Variants in PTPRG observed in about 807,000 individuals in gnomAD.
PTPRG encodes receptor-type tyrosine-protein phosphatase gamma.
A neutral mutation model predicts 165.3 loss-of-function variants in PTPRG; 102 were observed. The observed-to-expected ratio is 0.62, with a 90% confidence interval of 0.53 to 0.73. The LOEUF is 0.73. PTPRG is among the 30% of genes least tolerant of loss of function. The probability of loss-of-function intolerance (pLI) is 0.00; values close to 1 mark genes in which losing one functional copy is unlikely to be tolerated. For synonymous variants in PTPRG, 675 were observed against 669.5 expected (o/e 1.01, Z -0.13); for missense variants, 1,866 against 1,861.4 (o/e 1.00, Z -0.05).
At chr3:61,930,383 G>T (rs988398720) in intron 2 of PTPRG, among the ~76,000 whole-genome samples, 6 of 152,224 alleles carry the variant, frequency 3.9e-5, no homozygotes, top group Non-Finnish European at 7.3e-5. Flanking sequence ...AAGAATGTCA[G>T]TGATTCCCTG....
intron 2 of PTPRG, among the ~76,000 whole-genome samples, chr3:61,846,861 G>C (rs1461759763): frequency 6.6e-6 from 1 of 152,166 alleles, no homozygotes; most frequent in Non-Finnish European, 1.5e-5. Context: ...GTTGCAGTGA[G>C]CTAAGATGGC....
intron 1 of PTPRG, among the ~76,000 whole-genome samples, chr3:61,607,911 G>A (rs1009734338): frequency 2.6e-5 from 4 of 152,090 alleles, no homozygotes; most frequent in African/African-American, 9.7e-5. Flanking sequence ...CTTGGGGTGA[G>A]GATTACCCTG....
chr3:62,119,180 C>T (rs531449914), intron 5 of PTPRG, among the ~76,000 whole-genome samples: 1 of 152,168 alleles, frequency 6.6e-6, no homozygotes, highest in South Asian at 2.1e-4. Context: ...TGGGTGTGAG[C>T]ATTTCTGACC....
At chr3:61,951,201 A>T (rs112176603) in intron 2 of PTPRG, among the ~76,000 whole-genome samples, 4 of 152,128 alleles carry the variant, frequency 2.6e-5, no homozygotes, top group Non-Finnish European at 5.9e-5. Flanking sequence ...TCCCAGTTGA[A>T]CTCTTTTTCC....
At chr3:61,776,372 A>C (rs144387411) in intron 2 of PTPRG, among the ~76,000 whole-genome samples, 1,595 of 152,276 alleles carry the variant, frequency 0.01, 35 homozygotes, top group African/African-American at 0.036. Context: ...TAAAAAAATT[A>C]GTTGTATCGC....
At chr3:62,173,813 A>C (rs1705313275) in intron 8 of PTPRG, among the ~76,000 whole-genome samples, 1 of 152,098 alleles carries the variant, frequency 6.6e-6, no homozygotes, top group Non-Finnish European at 1.5e-5. Context: ...ATGCACCCAT[A>C]TTTTATCAGG....
intron 2 of PTPRG, among the ~76,000 whole-genome samples, chr3:61,882,949 T>A (rs924192567): frequency 9.8e-5 from 15 of 152,318 alleles, no homozygotes; most frequent in African/African-American, 3.4e-4. Context: ...TTCTACTAGA[T>A]GCTTAATGGT....
At chr3:61,689,416 T>G (rs1349052584) in intron 1 of PTPRG, among the ~76,000 whole-genome samples, 1 of 152,252 alleles carries the variant, frequency 6.6e-6, no homozygotes, top group African/African-American at 2.4e-5. Flanking sequence ...ACTTAAAATG[T>G]AGACTGTGTG....
chr3:62,175,346 TGGCACGC>T (rs1169746981), intron 8 of PTPRG, among the ~76,000 whole-genome samples: 1 of 152,212 alleles, frequency 6.6e-6, no homozygotes, highest in African/African-American at 2.4e-5. Flanking sequence ...CCGAGTGCCG[TGGCACGC>T]GCCAGTAGTC....
At chr3:62,194,614 C>A (rs1699915589) in intron 9 of PTPRG, among the ~76,000 whole-genome samples, 1 of 152,090 alleles carries the variant, frequency 6.6e-6, no homozygotes, top group Non-Finnish European at 1.5e-5. Flanking sequence ...ACCAGCCTGG[C>A]CAACATGGCA....
intron 1 of PTPRG, among the ~76,000 whole-genome samples, chr3:61,592,977 G>A (rs920265938): frequency 1.3e-5 from 2 of 152,092 alleles, no homozygotes; most frequent in African/African-American, 4.8e-5. Context: ...TGCTGACTGG[G>A]CCTAGGGTAT....
intron 1 of PTPRG, among the ~76,000 whole-genome samples, chr3:61,738,905 G>C (rs2106871410): frequency 6.6e-6 from 1 of 150,498 alleles, no homozygotes; most frequent in Admixed American, 6.6e-5. Context: ...CTCCTGAATA[G>C]CTGGAACCAC....
At position 62,167,965 on chromosome 3, in the gene PTPRG, G is replaced by T. The variant is rs369392597; in HGVS notation, c.841-6G>T. 6.2e-7 allele frequency: 1 copy of T among 1,608,692 alleles called. No individual in the cohort carries two copies. The highest frequency in any genetic ancestry group is 8.5e-7 in the Non-Finnish European group (1 of 1,176,404). ...TTCCCCCTCCCCTCTCTGGTCCTCT[G>T]TTCAGCTTGAGGCTTTTTATTCCAT... On this transcript the variant is annotated splice_polypyrimidine_tract_variant and splice_region_variant and intron_variant, in intron 7 of 29. Transcript: ENST00000474889.
At position 62,039,415 on chromosome 3, in the gene PTPRG, GA is replaced by G. The variant is rs145501611; in HGVS notation, c.519+35924del. Among the ~76,000 whole-genome samples, 953 of 152,046 alleles carry G rather than the reference GA, an allele frequency of 6.3e-3. 7 individuals are homozygous for G. Among genetic ancestry groups the G allele is most frequent in the African/African-American group, 0.022 (896 of 41,468 alleles). Reference sequence around the variant, plus strand: ...AAGAAGTGTTTTCATGCAACAGGGGGAAAAAATATCTTTTTTTCTAATAAAA... The same window carrying G: ...AAGAAGTGTTTTCATGCAACAGGGGGAAAAATATCTTTTTTTCTAATAAAA... On this transcript the variant is annotated intron_variant, in intron 4 of 29. Coordinates refer to ENST00000474889, the MANE Select transcript of PTPRG (RefSeq NM_002841.4).
chr3:62,148,359 G>A (rs1704200261), intron 6 of PTPRG, among the ~76,000 whole-genome samples: 1 of 152,148 alleles, frequency 6.6e-6, no homozygotes, highest in African/African-American at 2.4e-5. Context: ...GACAGGTCAT[G>A]TCGGGCCCCA....
At chr3:61,828,686 G>T (rs2036181393) in intron 2 of PTPRG, among the ~76,000 whole-genome samples, 1 of 152,202 alleles carries the variant, frequency 6.6e-6, no homozygotes, top group Non-Finnish European at 1.5e-5. Context: ...AAAGGCTTCA[G>T]ATAGGATAGT....
intron 2 of PTPRG, among the ~76,000 whole-genome samples, chr3:61,901,887 C>T (rs2038507148): frequency 6.6e-6 from 1 of 152,214 alleles, no homozygotes; most frequent in Admixed American, 6.5e-5. Flanking sequence ...AAAGAAACCT[C>T]TTTAATAAAA....
intron 2 of PTPRG, among the ~76,000 whole-genome samples, chr3:61,977,125 A>G (rs2040528102): frequency 6.6e-6 from 1 of 152,092 alleles, no homozygotes; most frequent in South Asian, 2.1e-4. Flanking sequence ...TAGATTGTAT[A>G]TCTGATTATG....
chr3:62,183,291 G>A (rs995654588), intron 8 of PTPRG, among the ~76,000 whole-genome samples: 13 of 152,150 alleles, frequency 8.5e-5, no homozygotes, highest in African/African-American at 1.9e-4. Context: ...TAGGCCGGGC[G>A]CGGGGCTCAT....
Sources: allele counts gnomAD v4.1 joint callset (sites outside exome capture counted in the v4.1 genomes callset), GRCh38; gene constraint gnomAD v4.1.1; transcripts MANE v1.5; gene names NCBI Gene and HGNC (gene_info 2026-07-23, HGNC 2026-07-21).